The following ZNF423 variants were observed in gnomAD, a reference collection of about 807,000 sequenced individuals.
ZNF423 encodes the protein zinc finger protein 423.
Under a neutral mutation model 95.8 loss-of-function variants are expected in ZNF423, and 12 were observed. The observed-to-expected ratio is 0.13, with a 90% confidence interval of 0.08 to 0.20. The LOEUF is 0.20. Ranked by LOEUF, ZNF423 falls within the 10% of genes least tolerant of loss-of-function variation. The pLI, the probability that ZNF423 is intolerant of heterozygous loss-of-function variation, is 1.00. For synonymous variants in ZNF423, 749 were observed against 711.9 expected, an observed-to-expected ratio of 1.05 and a Z score of -0.83; for missense variants, 1,316 against 1,737.1, an observed-to-expected ratio of 0.76 and a Z score of 4.31.
chr16:49,618,060 G>A (rs538374158), intron 5 of ZNF423, among the ~76,000 whole-genome samples: 2 of 152,332 alleles, frequency 1.3e-5, no homozygotes, highest in African/African-American at 4.8e-5. Flanking sequence ...GGTATCTTGT[G>A]CAAGGCCACA....
At chr16:49,700,451 C>T (rs1453032164) in intron 3 of ZNF423, among the ~76,000 whole-genome samples, 1 of 152,156 alleles carries the variant, frequency 6.6e-6, no homozygotes, top group African/African-American at 2.4e-5. Flanking sequence ...CATCATGACA[C>T]CCCAGGAGGC....
At chr16:49,702,248 A>C (rs1452061310) in intron 3 of ZNF423, among the ~76,000 whole-genome samples, 1 of 152,210 alleles carries the variant, frequency 6.6e-6, no homozygotes, top group Non-Finnish European at 1.5e-5. Flanking sequence ...GGAGACGCTC[A>C]CACTGCCAGC....
At chr16:49,615,691 G>A (rs1259488235) in intron 5 of ZNF423, among the ~76,000 whole-genome samples, 6 of 152,098 alleles carry the variant, frequency 3.9e-5, no homozygotes, top group Non-Finnish European at 8.8e-5. Context: ...GTAACAGGGG[G>A]CCTGGCAGCC....
chr16:49,616,819 A>G (rs77707002), intron 5 of ZNF423, among the ~76,000 whole-genome samples: 2,436 of 152,228 alleles, frequency 0.016, 61 homozygotes, highest in African/African-American at 0.055. Flanking sequence ...GACATCTGGT[A>G]TATAGGCTTA....
intron 3 of ZNF423, among the ~76,000 whole-genome samples, chr16:49,725,033 G>A (rs1320205886): frequency 6.6e-6 from 1 of 152,140 alleles, no homozygotes; most frequent in Non-Finnish European, 1.5e-5. Context: ...CTCAGAGCTT[G>A]CCTTTACTGA....
At chr16:49,517,888 A>C (rs888605605) in intron 7 of ZNF423, 19 of 446,816 alleles carry the variant, frequency 4.3e-5, no homozygotes, top group Non-Finnish European at 8.0e-5. Flanking sequence ...AAGACTAACA[A>C]TAGCAATTAA....
chr16:49,573,604 C>T (rs1970413087), intron 5 of ZNF423, among the ~76,000 whole-genome samples: 1 of 152,162 alleles, frequency 6.6e-6, no homozygotes, highest in Non-Finnish European at 1.5e-5. Flanking sequence ...CCAGTTCCAT[C>T]ATCTGGGCCT....
At chr16:49,830,588 G>C (rs757976740) in intron 1 of ZNF423, among the ~76,000 whole-genome samples, 4 of 152,190 alleles carry the variant, frequency 2.6e-5, no homozygotes, top group Non-Finnish European at 4.4e-5. Flanking sequence ...GGACATTTAG[G>C]AGAGGTATCT....
intron 3 of ZNF423, among the ~76,000 whole-genome samples, chr16:49,698,583 C>A (rs910724611): frequency 1.3e-5 from 2 of 152,250 alleles, no homozygotes; most frequent in Non-Finnish European, 2.9e-5. Flanking sequence ...GTCTGGCCCG[C>A]CACAGCTGTT....
rs149293622 is a variant in ZNF423, at chr16:49,621,130, G to C, written c.3601+5040C>G. 7.2e-3 allele frequency among the ~76,000 whole-genome samples: 1,104 copies of C among 152,314 alleles called. 6 individuals carry two copies. Among genetic ancestry groups the C allele is most frequent in the Non-Finnish European group, 9.1e-3 (618 of 68,026 alleles). ...TCCCAGAGTCCTCGGAGGGGGTGAAGGGGAGGTGGGGAAAGGGCGACTGGG... is the reference window on the plus strand; with the variant it reads ...TCCCAGAGTCCTCGGAGGGGGTGAACGGGAGGTGGGGAAAGGGCGACTGGG... On this transcript the variant is annotated intron_variant, in intron 5 of 7. Transcript: ENST00000563137.
At chr16:49,632,009 C>G (rs1972520872) in intron 4 of ZNF423, among the ~76,000 whole-genome samples, 1 of 152,170 alleles carries the variant, frequency 6.6e-6, no homozygotes, top group Non-Finnish European at 1.5e-5. Context: ...CTAGTGGGAT[C>G]TGGATAGGCC....
chr16:49,596,819 C>A (rs1971193770), intron 5 of ZNF423, among the ~76,000 whole-genome samples: 1 of 152,208 alleles, frequency 6.6e-6, no homozygotes, highest in Non-Finnish European at 1.5e-5. Context: ...AGGCACAGGG[C>A]TGTGTGCTTC....
intron 5 of ZNF423, among the ~76,000 whole-genome samples, chr16:49,538,342 A>G (rs1426980284): frequency 2.0e-5 from 3 of 152,238 alleles, no homozygotes. Flanking sequence ...TCTGGCTGGC[A>G]TCTTGCCTTT....
At chr16:49,576,176 CTCA>C (rs1567478485) in intron 5 of ZNF423, among the ~76,000 whole-genome samples, 1 of 152,202 alleles carries the variant, frequency 6.6e-6, no homozygotes, top group Admixed American at 6.5e-5. Context: ...CCCTTTGGCC[CTCA>C]TCATATTTCC....
intron 1 of ZNF423, among the ~76,000 whole-genome samples, chr16:49,814,335 TA>T (rs1425520551): frequency 6.6e-6 from 1 of 151,968 alleles, no homozygotes; most frequent in Admixed American, 6.6e-5. Flanking sequence ...AGACTGCACC[TA>T]CCCTTTCCAA....
intron 2 of ZNF423, chr16:49,780,745 C>T (rs914241103): frequency 1.3e-5 from 2 of 152,290 alleles, no homozygotes; most frequent in African/African-American, 4.8e-5. Flanking sequence ...CCCAGCCTGC[C>T]TGGCTCCACT....
At position 49,759,895 on chromosome 16, in the gene ZNF423, C is replaced by T. The variant is rs1226891873; in HGVS notation, c.101-28924G>A. Among the ~76,000 whole-genome samples, 9 of 152,060 alleles carry T rather than the reference C, an allele frequency of 5.9e-5. No homozygotes were observed. In the South Asian group the frequency reaches 6.3e-4, roughly 11 times the overall value. On this transcript the variant is annotated intron_variant, in intron 2 of 7. Coordinates refer to ENST00000563137, the MANE Select transcript of ZNF423 (RefSeq NM_001379286.1). ...GCCCTGGTTCTCTTTAGAGAGATTG[C>T]GAGTTGTGGGTGTTCCCCTGGGCTG...
intron 3 of ZNF423, among the ~76,000 whole-genome samples, chr16:49,708,874 A>G (rs950804222): frequency 1.3e-5 from 2 of 152,192 alleles, no homozygotes; most frequent in Non-Finnish European, 2.9e-5. Flanking sequence ...GTAGGTGCTC[A>G]GTAAATATTT....
chr16:49,723,538 A>G lies in ZNF423; in HGVS notation c.301+7233T>C, dbSNP rs182151714. On this transcript the variant is annotated intron_variant, in intron 3 of 7. Coordinates refer to ENST00000563137, the MANE Select transcript of ZNF423 (RefSeq NM_001379286.1). The stretch of plus-strand genomic sequence containing the variant: ...TGGCTTGATTTACTGTGGTTTTCAC[A>G]ATGTAGAATTTTTTTATTTTTATGT... Among the ~76,000 whole-genome samples the G allele has an allele frequency of 1.3e-4, 20 of 152,318 alleles. No individual in the cohort carries two copies. The East Asian group carries it at 3.9e-3, about 29-fold the overall frequency.
Sources: gnomAD v4.1 joint callset for allele counts (sites outside exome capture counted in the v4.1 genomes callset) on GRCh38, gnomAD v4.1.1 for gene constraint, MANE v1.5 for transcripts, NCBI Gene and HGNC (gene_info 2026-07-23, HGNC 2026-07-21) for gene names.